The following RBFOX1 variants were observed in gnomAD, a reference collection of about 807,000 sequenced individuals.
The protein encoded by RBFOX1 is RNA binding protein fox-1 homolog 1.
RBFOX1 carries 8 observed loss-of-function variants against 57.7 expected under a neutral mutation model. That is an observed-to-expected ratio of 0.14 (90% CI 0.08 to 0.25). The LOEUF (loss-of-function observed/expected upper bound fraction) is 0.25, where lower values mean the gene tolerates loss of function less well. Ranked by LOEUF, RBFOX1 falls within the 10% of genes least tolerant of loss-of-function variation. The pLI is 1.00. For synonymous variants in RBFOX1, 326 were observed against 222.4 expected (o/e 1.47, Z -4.15); for missense variants, 611 against 548.5 (o/e 1.11, Z -1.14).
intron 2 of RBFOX1, among the ~76,000 whole-genome samples, chr16:5,501,318 C>CAAAAAAAAAAAAAAAAAAAAAA (rs1160788118): frequency 3.1e-5 from 2 of 64,894 alleles, no homozygotes; most frequent in African/African-American, 4.7e-5. Flanking sequence ...ACTCTGTCTA[C>CAAAAAAAAAAAAAAAAAAAAAA]AAAAAAAAAA....
chr16:5,407,540 T>C (rs1387247724), intron 1 of RBFOX1, among the ~76,000 whole-genome samples: 4 of 152,076 alleles, frequency 2.6e-5, no homozygotes, highest in Non-Finnish European at 4.4e-5. Flanking sequence ...GATTGCTGGA[T>C]GTCATAACAA....
At chr16:6,151,320 C>G (rs181044364) in intron 1 of RBFOX1, among the ~76,000 whole-genome samples, 1 of 152,142 alleles carries the variant, frequency 6.6e-6, no homozygotes, top group Non-Finnish European at 1.5e-5. Context: ...GAGTCTCACT[C>G]TGTCACCCAG....
In RBFOX1 at chr16:7,711,709, A is replaced by C. The variant is rs191659238; in HGVS notation, c.*964A>C. ...TGCAGTGGAGTTGTTAAGTTCTAGA[A>C]ACAGTCTATGAAGCTTTAGTTTTAG... is the stretch of plus-strand genomic sequence containing the variant. On this transcript the variant is annotated 3_prime_UTR_variant, in exon 16 of 16. Coordinates refer to ENST00000550418, the MANE Select transcript of RBFOX1 (RefSeq NM_018723.4). 6.5e-6 allele frequency: 1 copy of C among 152,774 alleles called. No individual in the cohort carries two copies. Among genetic ancestry groups the C allele is most frequent in the Admixed American group, 6.5e-5 (1 of 15,306 alleles). 9.5% of individuals were successfully genotyped at this position (152,774 alleles called of 1,614,324 possible).
At chr16:7,291,222 T>G (rs1009948536) in intron 4 of RBFOX1, among the ~76,000 whole-genome samples, 1 of 152,176 alleles carries the variant, frequency 6.6e-6, no homozygotes, top group African/African-American at 2.4e-5. Flanking sequence ...TTCAATACTG[T>G]GCCCTAACCA....
At chr16:6,959,357 G>A (rs1026991356) in intron 3 of RBFOX1, among the ~76,000 whole-genome samples, 10 of 152,196 alleles carry the variant, frequency 6.6e-5, no homozygotes, top group African/African-American at 2.4e-4. Flanking sequence ...TCTGATAACC[G>A]TCACATTTGA....
At chr16:6,868,088 A>G (rs1026452517) in intron 3 of RBFOX1, among the ~76,000 whole-genome samples, 10 of 152,326 alleles carry the variant, frequency 6.6e-5, no homozygotes, top group African/African-American at 1.9e-4. Flanking sequence ...GAGAAAATTA[A>G]TATGTGAAAT....
chr16:6,375,971 C>T (rs1751428590), intron 2 of RBFOX1, among the ~76,000 whole-genome samples: 1 of 152,172 alleles, frequency 6.6e-6, no homozygotes, highest in South Asian at 2.1e-4. Context: ...GATCACCCTG[C>T]TGCCTCCAGC....
chr16:6,816,899 C>T (rs984505589), intron 3 of RBFOX1, among the ~76,000 whole-genome samples: 1 of 151,930 alleles, frequency 6.6e-6, no homozygotes, highest in African/African-American at 2.4e-5. Context: ...TAAATACCAC[C>T]ATGCCTAGCT....
intron 2 of RBFOX1, among the ~76,000 whole-genome samples, chr16:6,538,566 T>C (rs1599223887): frequency 6.6e-6 from 1 of 152,108 alleles, no homozygotes; most frequent in South Asian, 2.1e-4. Context: ...TGACAAGTAA[T>C]AATAATAGTA....
intron 3 of RBFOX1, among the ~76,000 whole-genome samples, chr16:6,869,701 G>T (rs1410586105): frequency 6.6e-6 from 1 of 152,172 alleles, no homozygotes; most frequent in Admixed American, 6.5e-5. Flanking sequence ...CATTCATGCA[G>T]TTGGCAAAGC....
At chr16:7,601,051 G>A (rs2094989380) in intron 9 of RBFOX1, among the ~76,000 whole-genome samples, 1 of 152,194 alleles carries the variant, frequency 6.6e-6, no homozygotes, top group Non-Finnish European at 1.5e-5. Context: ...AAGATTGAGA[G>A]CTGAATTCAC....
At chr16:7,101,288 G>C (rs569268629) in intron 4 of RBFOX1, among the ~76,000 whole-genome samples, 1 of 152,250 alleles carries the variant, frequency 6.6e-6, no homozygotes, top group Admixed American at 6.5e-5. Flanking sequence ...CCGCTAGCTT[G>C]GATGAATACA....
intron 3 of RBFOX1, among the ~76,000 whole-genome samples, chr16:6,732,467 C>G (rs1411787482): frequency 1.3e-5 from 2 of 152,198 alleles, no homozygotes; most frequent in Non-Finnish European, 2.9e-5. Flanking sequence ...GTGAGGTCAC[C>G]TGATTCATTG....
chr16:6,937,496 TAGGAGTGACAC>T (rs769608940), intron 3 of RBFOX1, among the ~76,000 whole-genome samples: 1 of 152,086 alleles, frequency 6.6e-6, no homozygotes, highest in Non-Finnish European at 1.5e-5. Flanking sequence ...CTGAGTGACA[TAGGAGTGACAC>T]AGACATCAGG....
chr16:7,039,629 T>C (rs1236734663), intron 3 of RBFOX1, among the ~76,000 whole-genome samples: 1 of 152,182 alleles, frequency 6.6e-6, no homozygotes, highest in African/African-American at 2.4e-5. Flanking sequence ...CCATGACCGG[T>C]GGTGGGATCT....
upstream of RBFOX1, among the ~76,000 whole-genome samples, chr16:6,014,328 G>A (rs1223184723): frequency 6.6e-6 from 1 of 152,056 alleles, no homozygotes; most frequent in African/African-American, 2.4e-5. Flanking sequence ...GAGAGGAAAA[G>A]GAATGAGCCC....
intron 4 of RBFOX1, among the ~76,000 whole-genome samples, chr16:7,300,097 C>A (rs1300719126): frequency 6.6e-6 from 1 of 152,132 alleles, no homozygotes; most frequent in Non-Finnish European, 1.5e-5. Flanking sequence ...ACTGCCGTCT[C>A]CCTTACCCTG....
intron 2 of RBFOX1, among the ~76,000 whole-genome samples, chr16:5,539,335 G>A (rs866036919): frequency 6.6e-6 from 1 of 151,652 alleles, no homozygotes; most frequent in African/African-American, 2.4e-5. Flanking sequence ...GCTCACGCCT[G>A]TAATCCCAGC....
At chr16:7,402,281 T>G (rs2098257845) in intron 4 of RBFOX1, among the ~76,000 whole-genome samples, 1 of 152,220 alleles carries the variant, frequency 6.6e-6, no homozygotes, top group African/African-American at 2.4e-5. Context: ...CGTTGTTAAC[T>G]GCCCTGAAAG....
Sources: allele counts gnomAD v4.1 joint callset (sites outside exome capture counted in the v4.1 genomes callset), GRCh38; gene constraint gnomAD v4.1.1; transcripts MANE v1.5; gene names NCBI Gene and HGNC (gene_info 2026-07-23, HGNC 2026-07-21).